FARP2: variants seen among roughly 807,000 people sequenced by gnomAD.
FARP2 encodes the protein FERM, ARH/RhoGEF and pleckstrin domain protein 2, also known as FERM, ARHGEF and pleckstrin domain-containing protein 2.
In FARP2, 111 loss-of-function variants were observed where a neutral mutation model predicts 130.5. That is an observed-to-expected ratio of 0.85 (90% CI 0.73 to 1.00). The LOEUF (loss-of-function observed/expected upper bound fraction) is 1.00. Among genes scored for constraint, FARP2 ranks in the 50% least tolerant of loss-of-function variants. The pLI is 0.00. For missense variants in FARP2, 1,385 were observed against 1,346.3 expected (o/e 1.03, Z -0.45); for synonymous variants, 504 against 516.9 (o/e 0.98, Z 0.34).
rs151203664 is a variant in FARP2, at chr2:241,468,324, G to A, written c.2078G>A (p.Arg693His). 49 of 1,613,304 alleles carry A rather than the reference G, an allele frequency of 3.0e-5. No individual in the cohort carries two copies. The highest frequency in any genetic ancestry group is 1.1e-4 in the East Asian group (5 of 44,904). Residue 693 changes from arginine to histidine, a missense_variant, in exon 18 of 27, where the codon CGC becomes CAC. By Grantham distance (29) the Arg-to-His change is conservative (BLOSUM62 0). Transcript: ENST00000264042. Reference sequence around the variant, plus strand: ...CTGCTGCACTACCGCCTGCTGCTGCGCCGCCTATGCGGACATTACAGCCCC... The same window carrying A: ...CTGCTGCACTACCGCCTGCTGCTGCACCGCCTATGCGGACATTACAGCCCC... Reference protein sequence around the residue: ...QRLLHYRLLLRRLCGHYSPGH... With the variant: ...QRLLHYRLLLHRLCGHYSPGH...
chr2:241,465,630 C>A, intron 17 of FARP2: 1 of 1,550,720 alleles, frequency 6.4e-7, no homozygotes, highest in Non-Finnish European at 8.7e-7. Context: ...TCAGGGGTCT[C>A]ACTCTTGCTT....
chr2:241,407,470 A>T, intron 4 of FARP2, 67 bp from the exon 5 acceptor site: 1 of 1,129,528 alleles, frequency 8.9e-7, no homozygotes, highest in Non-Finnish European at 1.4e-6. Context: ...GTTATACAGT[A>T]ATATATGAAA....
intron 19 of FARP2, among the ~76,000 whole-genome samples, chr2:241,476,876 C>G (rs947822453): frequency 1.3e-5 from 2 of 152,054 alleles, no homozygotes; most frequent in East Asian, 3.9e-4. Context: ...ACAGTCACTT[C>G]CCATCACTAT....
chr2:241,403,369 T>C (rs1218583949), intron 2 of FARP2, among the ~76,000 whole-genome samples: 1 of 152,066 alleles, frequency 6.6e-6, no homozygotes, highest in African/African-American at 2.4e-5. Flanking sequence ...TGGGCACCGC[T>C]GTGCTCGGCT....
In FARP2 at chr2:241,491,554, G is replaced by C. The variant is rs770157976; in HGVS notation, c.2662G>C (p.Asp888His). ...NEVSLEQESE[D>H]DARGVRSSLE... ...GGTATCTCTGGAGCAGGAGTCAGAAGATGATGCTCGGGGTGTCCGCAGCTC... is the reference window on the plus strand; with the variant it reads ...GGTATCTCTGGAGCAGGAGTCAGAACATGATGCTCGGGGTGTCCGCAGCTC... Residue 888 changes from aspartate to histidine, a missense_variant, in exon 24 of 27, where the codon GAT (aspartate) becomes CAT (histidine). Transcript: ENST00000264042. The C allele has an allele frequency of 1.2e-6, 2 of 1,613,650 alleles. No homozygotes were observed. The highest frequency in any genetic ancestry group is 1.7e-5 in the Admixed American group (1 of 59,996).
intron 2 of FARP2, among the ~76,000 whole-genome samples, chr2:241,402,859 T>C (rs1369014265): frequency 6.5e-5 from 1 of 15,490 alleles, no homozygotes; most frequent in African/African-American, 2.5e-4. Context: ...TATATATATA[T>C]ATATATATAT....
chr2:241,388,411 A>G (rs1430217919), intron 2 of FARP2, among the ~76,000 whole-genome samples: 1 of 152,236 alleles, frequency 6.6e-6, no homozygotes, highest in Non-Finnish European at 1.5e-5. Context: ...ACTTCACATC[A>G]TACTCAAAAA....
intron 8 of FARP2, among the ~76,000 whole-genome samples, chr2:241,418,554 AATC>A (rs1391285368): frequency 6.6e-6 from 1 of 152,206 alleles, no homozygotes; most frequent in African/African-American, 2.4e-5. Context: ...GGGTTACAGT[AATC>A]ATTTCAGTAA....
intron 2 of FARP2, among the ~76,000 whole-genome samples, chr2:241,383,967 T>C (rs1269389125): frequency 6.6e-6 from 1 of 152,048 alleles, no homozygotes; most frequent in East Asian, 1.9e-4. Context: ...GTGCACCAGA[T>C]GCAAGGCGGC....
intron 1 of FARP2, among the ~76,000 whole-genome samples, chr2:241,359,051 A>G (rs574059417): frequency 1.3e-4 from 20 of 152,304 alleles, no homozygotes; most frequent in African/African-American, 4.8e-4. Context: ...CCTCCCATCC[A>G]AGGAAAATTT....
At chr2:241,378,455 A>C (rs945434563) in intron 2 of FARP2, among the ~76,000 whole-genome samples, 16 of 124,626 alleles carry the variant, frequency 1.3e-4, no homozygotes, top group African/African-American at 5.0e-4. Context: ...TCTGTCACCC[A>C]GACTGGAGTG....
chr2:241,402,858 ATATATATATATATATATATATATTTT>A (rs2062215259), intron 2 of FARP2, among the ~76,000 whole-genome samples: 1 of 7,928 alleles, frequency 1.3e-4, no homozygotes, highest in Non-Finnish European at 2.5e-4. Flanking sequence ...ATATATATAT[ATATATATATATATATATATATATTTT>A]TTTTTTTTTT....
chr2:241,408,697 T>C (rs2062430766), intron 5 of FARP2, among the ~76,000 whole-genome samples: 1 of 152,196 alleles, frequency 6.6e-6, no homozygotes, highest in Non-Finnish European at 1.5e-5. Context: ...CAAAATTAGA[T>C]ATAAAAGAGA....
chr2:241,408,024 G>A (rs2062408390), intron 5 of FARP2, among the ~76,000 whole-genome samples: 1 of 152,172 alleles, frequency 6.6e-6, no homozygotes, highest in African/African-American at 2.4e-5. Flanking sequence ...AATACTTTGG[G>A]TCACTTCTTT....
At chr2:241,395,144 A>G (rs975364906) in intron 2 of FARP2, among the ~76,000 whole-genome samples, 2 of 152,070 alleles carry the variant, frequency 1.3e-5, no homozygotes, top group Non-Finnish European at 2.9e-5. Context: ...CAGGATTCCT[A>G]CTCCAAAGCC....
intron 1 of FARP2, among the ~76,000 whole-genome samples, chr2:241,362,469 G>T (rs574039217): frequency 6.6e-6 from 1 of 152,116 alleles, no homozygotes; most frequent in African/African-American, 2.4e-5. Flanking sequence ...GGGCATGGTG[G>T]CGGGCGCCTG....
At chr2:241,493,251 C>T in intron 25 of FARP2, 42 bp from the exon 26 acceptor site, 1 of 1,603,282 alleles carries the variant, frequency 6.2e-7, no homozygotes. Flanking sequence ...TTCCCTGTGG[C>T]AACCCAGCCC....
Position 241,493,280 on chromosome 2 carries a change from T to C in FARP2, c.2896-13T>C. Reference sequence around the variant, plus strand: ...CCAGCCCCTGGAACCCGTGTCCCTATGCTGTCTTGCAGGATGACTACCCAC... The same window carrying C: ...CCAGCCCCTGGAACCCGTGTCCCTACGCTGTCTTGCAGGATGACTACCCAC... On this transcript the variant is annotated splice_polypyrimidine_tract_variant and intron_variant, in intron 25 of 26. Transcript: ENST00000264042. 2 of 1,613,254 alleles carry C rather than the reference T, an allele frequency of 1.2e-6. No individual in the cohort carries two copies. Among genetic ancestry groups the C allele is most frequent in the Non-Finnish European group, 1.7e-6 (2 of 1,179,788 alleles).
chr2:241,392,949 G>GAA (rs577909105), intron 2 of FARP2, among the ~76,000 whole-genome samples: 14 of 137,072 alleles, frequency 1.0e-4, no homozygotes, highest in African/African-American at 2.1e-4. Context: ...TCTCAAAAAA[G>GAA]AAAAAAAAAA....
Sources: gnomAD v4.1 joint callset for allele counts (sites outside exome capture counted in the v4.1 genomes callset) on GRCh38, gnomAD v4.1.1 for gene constraint, MANE v1.5 for transcripts, NCBI Gene and HGNC (gene_info 2026-07-23, HGNC 2026-07-21) for gene names.